Variants in TAS2R30 observed in about 807,000 individuals in gnomAD.
The protein encoded by TAS2R30 is taste 2 receptor member 30, also known as taste receptor type 2 member 30.
For missense variants in TAS2R30, 395 were observed against 371.6 expected, an observed-to-expected ratio of 1.06 and a Z score of -0.52; for synonymous variants, 141 against 131.6, an observed-to-expected ratio of 1.07 and a Z score of -0.49.
At chr12:11,133,598 G>A (rs1325363595) in exon 1 of TAS2R30, 1 of 1,614,262 alleles carries the variant, frequency 6.2e-7, no homozygotes, top group Non-Finnish European at 8.5e-7. Flanking sequence ...GGGATCTTGA[G>A]ATCCTTTGCC....
exon 1 of TAS2R30, chr12:11,133,891 A>G: frequency 6.2e-7 from 1 of 1,614,190 alleles, no homozygotes; most frequent in Non-Finnish European, 8.5e-7. Context: ...TTATGCGAAG[A>G]AAAATAAGGT....
chr12:11,134,266 T>A, exon 1 of TAS2R30: 1 of 1,590,296 alleles, frequency 6.3e-7, no homozygotes, highest in Non-Finnish European at 8.5e-7. Flanking sequence ...CAAAAAGAAA[T>A]TTTTAAAATG....
In TAS2R30 at chr12:11,133,150, T is replaced by C. The variant is rs983096590; in HGVS notation, c.*135A>G. On this transcript the variant is annotated 3_prime_UTR_variant, in exon 1 of 1. Coordinates refer to ENST00000539585, the Ensembl canonical transcript of TAS2R30. ...ACACACACACACACACACATCTATA[T>C]ATATGTACTTTTCTAGACTAACTTT... The C allele has an allele frequency of 4.5e-4, 469 of 1,045,380 alleles. 1 individual carries two copies. The highest frequency in any genetic ancestry group is 5.2e-4 in the Non-Finnish European group (392 of 752,722). The allele number at this position is 1,045,380 out of a possible 1,614,324, so 64.8% of individuals were successfully genotyped here. A position where few individuals can be genotyped will look rare whatever the true frequency, so the allele number is the denominator to read the frequency against.
chr12:11,134,591 C>G, exon 1 of TAS2R30: 1 of 236,388 alleles, frequency 4.2e-6, no homozygotes. Flanking sequence ...ATGTTCACTT[C>G]CAGTGTTTGC....
chr12:11,134,066 C>A lies in TAS2R30; in HGVS notation c.179G>T (p.Trp60Leu), dbSNP rs377126732. 44 of 1,613,998 alleles carry A rather than the reference C, an allele frequency of 2.7e-5. No individual in the cohort carries two copies. In the African/African-American group the frequency reaches 5.5e-4, roughly 20 times the overall value. The change falls in exon 1 of 1, where the codon TGG (tryptophan) becomes TTG (leucine). Residue 60 changes from tryptophan (W) to leucine (L), a missense_variant. Physicochemically the swap from Trp to Leu is moderately conservative, Grantham distance 61 (BLOSUM62 -2). Transcript: ENST00000539585. ...TGCATACCAATGTAGTAATAACACC[C>A]AGAGCAAACCAACTCTGGAGACCGC...
Position 11,134,421 on chromosome 12 carries a change from T to C in TAS2R30, c.-177A>G. On this transcript the variant is annotated 5_prime_UTR_variant, in exon 1 of 1. Coordinates refer to ENST00000539585, the Ensembl canonical transcript of TAS2R30. ...GTCAGAAATCACCATGGCATGCTAA[T>C]GGATAAGTTCAATGCTCTCTTTATG... is the stretch of plus-strand genomic sequence containing the variant. The C allele has an allele frequency of 7.8e-6, 6 of 770,410 alleles. No homozygotes were observed. In the South Asian group the frequency reaches 8.3e-5, roughly 11 times the overall value. 47.7% of individuals were successfully genotyped at this position (770,410 alleles called of 1,614,324 possible). A position where few individuals can be genotyped will look rare whatever the true frequency, so the allele number is the denominator to read the frequency against.
At chr12:11,133,458 A>G (rs1297164993) in exon 1 of TAS2R30, 1 of 1,613,990 alleles carries the variant, frequency 6.2e-7, no homozygotes, top group African/African-American at 1.3e-5. Context: ...GCTTGGCAGA[A>G]CATGAAGACA....
chr12:11,133,872 C>T (rs1946459654), exon 1 of TAS2R30: 1 of 1,614,164 alleles, frequency 6.2e-7, no homozygotes. Flanking sequence ...ACACTCTTAA[C>T]TCTCCTCTTT....
exon 1 of TAS2R30, chr12:11,133,175 T>G: frequency 7.3e-7 from 1 of 1,375,216 alleles, no homozygotes; most frequent in Non-Finnish European, 9.7e-7. Flanking sequence ...AGACTAACTT[T>G]AGGTAAAAGA....
chr12:11,133,258 T>C, exon 1 of TAS2R30: 2 of 1,564,084 alleles, frequency 1.3e-6, no homozygotes, highest in Non-Finnish European at 1.7e-6. Flanking sequence ...ATATAAAATG[T>C]TTCATACACC....
At chr12:11,133,506 T>C (rs368085494) in exon 1 of TAS2R30, 31 of 1,614,038 alleles carry the variant, frequency 1.9e-5, no homozygotes, top group Non-Finnish European at 2.6e-5. Flanking sequence ...CAAACTGATA[T>C]GATCATGGAC....
exon 1 of TAS2R30, chr12:11,134,045 T>C (rs370843717): frequency 8.1e-6 from 13 of 1,614,128 alleles, no homozygotes; most frequent in Non-Finnish European, 1.1e-5. Context: ...CTGAGTTGCA[T>C]ACCAATGTAG....
exon 1 of TAS2R30, chr12:11,134,268 T>C: frequency 6.3e-7 from 1 of 1,587,708 alleles, no homozygotes. Flanking sequence ...AAAAGAAATT[T>C]TTAAAATGCT....
exon 1 of TAS2R30, chr12:11,133,594 T>C: frequency 1.2e-6 from 2 of 1,614,264 alleles, no homozygotes; most frequent in Non-Finnish European, 1.7e-6. Flanking sequence ...TGCTGGGATC[T>C]TGAGATCCTT....
Position 11,133,846 on chromosome 12 carries a change from C to A in TAS2R30, c.399G>T (p.Leu133=), listed in dbSNP as rs373014170. ...AAACCAAAAATAGCAAAGGCCCCAA[C>A]AGTATCACCAGAACAACACTCTTAA... Residue 133 remains leucine (L), a synonymous_variant, in exon 1 of 1, where the codon CTG becomes CTT. Coordinates refer to ENST00000539585, the Ensembl canonical transcript of TAS2R30. 2.1e-5 allele frequency: 34 copies of A among 1,614,026 alleles called. No individual in the cohort carries two copies. In the African/African-American group the frequency reaches 3.9e-4, roughly 18 times the overall value.
At chr12:11,133,221 C>T in exon 1 of TAS2R30, 2 of 1,531,326 alleles carry the variant, frequency 1.3e-6, no homozygotes, top group Non-Finnish European at 8.7e-7. Context: ...TATTCATATA[C>T]ATATATTACA....
chr12:11,133,031 A>G (rs1350984672), exon 1 of TAS2R30: 2 of 403,936 alleles, frequency 5.0e-6, no homozygotes, highest in Non-Finnish European at 8.6e-6. Flanking sequence ...TTCATAATTG[A>G]GGAATTTTTG....
At chr12:11,133,698 C>T (rs1363954317) in exon 1 of TAS2R30, 3 of 1,614,232 alleles carry the variant, frequency 1.9e-6, no homozygotes, top group Non-Finnish European at 2.5e-6. Context: ...ACAAAGTTTG[C>T]TAGCATGGTT....
At chr12:11,134,119 G>C in exon 1 of TAS2R30, 1 of 1,614,100 alleles carries the variant, frequency 6.2e-7, no homozygotes, top group Non-Finnish European at 8.5e-7. Flanking sequence ...GGTCAACAAA[G>C]GAGATCTTTT....
Sources: allele counts gnomAD v4.1 joint callset, GRCh38; gene constraint gnomAD v4.1.1; transcripts MANE v1.5; gene names NCBI Gene and HGNC (gene_info 2026-07-23, HGNC 2026-07-21).